The following CDC42BPB variants were observed in gnomAD, a reference collection of about 807,000 sequenced individuals.
CDC42BPB encodes the protein serine/threonine-protein kinase MRCK beta.
A neutral mutation model predicts 214.9 loss-of-function variants in CDC42BPB; 37 were observed. The ratio of observed to expected loss-of-function variants is 0.17; its 90% CI spans 0.13 to 0.23. The LOEUF (loss-of-function observed/expected upper bound fraction) is 0.23, where lower values mean the gene tolerates loss of function less well. Among genes scored for constraint, CDC42BPB ranks in the 10% least tolerant of loss-of-function variants. CDC42BPB has a pLI of 1.00. For synonymous variants in CDC42BPB, 931 were observed against 884.0 expected (o/e 1.05, Z -0.94); for missense variants, 1,694 against 2,227.0 (o/e 0.76, Z 4.82).
In CDC42BPB at chr14:103,003,960, G is replaced by T; in HGVS notation, c.415C>A (p.Leu139Met). The change falls in exon 4 of 37, where the codon CTG (leucine) becomes ATG (methionine). Residue 139 changes from leucine to methionine, a missense_variant. By Grantham distance (15) the Leu-to-Met change is conservative. This residue lies in a region of CDC42BPB where 225 missense variants were observed against 459.3 expected (regional missense o/e 0.49). Coordinates refer to ENST00000361246, the MANE Select transcript of CDC42BPB (RefSeq NM_006035.4). ...TTCTCGTCCTGAAAGGCGTAGTGCA[G>T]CGCGGTGATCCACTGGCAGTCGCCG... ...VNGDCQWITA[L>M]HYAFQDENHL... 1 of 1,612,164 alleles carries T rather than the reference G, an allele frequency of 6.2e-7. No individual in the cohort carries two copies.
At chr14:103,031,610 T>A (rs1406748263) in intron 1 of CDC42BPB, among the ~76,000 whole-genome samples, 2 of 152,212 alleles carry the variant, frequency 1.3e-5, no homozygotes, top group Non-Finnish European at 2.9e-5. Flanking sequence ...GTCTGGCGAT[T>A]TCCAATTTGG....
intron 5 of CDC42BPB, among the ~76,000 whole-genome samples, chr14:102,998,523 A>G (rs921218153): frequency 6.6e-6 from 1 of 152,242 alleles, no homozygotes; most frequent in Non-Finnish European, 1.5e-5. Flanking sequence ...GAAAACCAAA[A>G]CAAACCACAG....
rs1255775027 is a variant in CDC42BPB, at chr14:103,057,402, C to T, written c.-229G>A. 2 of 820,072 alleles carry T rather than the reference C, an allele frequency of 2.4e-6. No individual in the cohort carries two copies. The highest frequency in any genetic ancestry group is 6.3e-5 in the Admixed American group (1 of 15,874). 50.8% of individuals were successfully genotyped at this position (820,072 alleles called of 1,614,324 possible). A position where few individuals can be genotyped will look rare whatever the true frequency, so the allele number is the denominator to read the frequency against. ...CGCGGGTCCATGGGCCGCTCTCCTC[C>T]CCTCGGCGCCGCCGCCCTCCCAGCT... On this transcript the variant is annotated 5_prime_UTR_variant, in exon 1 of 37. Transcript: ENST00000361246.
At position 102,946,193 on chromosome 14, in the gene CDC42BPB, AT is replaced by A. The variant is rs59078830; in HGVS notation, c.3748+274del. The stretch of plus-strand genomic sequence containing the variant: ...CCAGCTATATTTTATTTTTATTTTT[AT>A]TTTTTTTTTTAGCAGAGACAGGGTT... On this transcript the variant is annotated intron_variant, in intron 28 of 36. Coordinates refer to ENST00000361246, the MANE Select transcript of CDC42BPB (RefSeq NM_006035.4). 6.4e-3 allele frequency among the ~76,000 whole-genome samples: 923 copies of A among 145,176 alleles called. 4 individuals are homozygous for A. Among genetic ancestry groups the A allele is most frequent in the Middle Eastern group, 0.011 (3 of 280 alleles).
chr14:103,004,258 T>C lies in CDC42BPB; in HGVS notation c.352-235A>G. On this transcript the variant is annotated intron_variant, in intron 3 of 36. Coordinates refer to ENST00000361246, the MANE Select transcript of CDC42BPB (RefSeq NM_006035.4). The surrounding 1 kb of genome is among the most constrained non-coding windows in gnomAD (Gnocchi z 5.3). ...CTGAGGAGGCACTTGCACCCTGCTG[T>C]CCCACGGGCACCATTTCTGTGGCTG... 1 of 1,076,764 alleles carries C rather than the reference T, an allele frequency of 9.3e-7. No individual in the cohort carries two copies. Among genetic ancestry groups the C allele is most frequent in the Non-Finnish European group, 1.2e-6 (1 of 841,554 alleles). The allele number at this position is 1,076,764 out of a possible 1,614,324, so 66.7% of individuals were successfully genotyped here. A position where few individuals can be genotyped will look rare whatever the true frequency, so the allele number is the denominator to read the frequency against.
intron 36 of CDC42BPB, among the ~76,000 whole-genome samples, chr14:102,936,074 G>A (rs1463288175): frequency 6.6e-6 from 1 of 152,182 alleles, no homozygotes; most frequent in Non-Finnish European, 1.5e-5. Context: ...CCACCAGGAC[G>A]ACTATTAAAA....
At chr14:102,997,818 T>C (rs9806025) in intron 5 of CDC42BPB, among the ~76,000 whole-genome samples, 10,601 of 152,240 alleles carry the variant, frequency 0.07, 469 homozygotes, top group African/African-American at 0.13. Context: ...GACTGAACCA[T>C]AGCTGAAAGG....
At chr14:102,938,498 G>T (rs1446644592) in intron 34 of CDC42BPB, 87 bp from the exon 35 acceptor site, 2 of 1,477,676 alleles carry the variant, frequency 1.4e-6, no homozygotes, top group Non-Finnish European at 1.8e-6. Context: ...GGTGGCTGTG[G>T]CCTCGTGACC....
Position 102,968,423 on chromosome 14 carries a change from G to T in CDC42BPB, c.2240+49C>A, listed in dbSNP as rs751398692. 2.5e-6 allele frequency: 4 copies of T among 1,613,150 alleles called. No homozygotes were observed. In the South Asian group the frequency reaches 4.4e-5, roughly 18 times the overall value. On this transcript the variant is annotated intron_variant, in intron 15 of 36. Coordinates refer to ENST00000361246, the MANE Select transcript of CDC42BPB (RefSeq NM_006035.4). ...CTTCACTGATATTCGTATCTATGGC[G>T]TGGGTATCAGCTTGCATCTTCTGAA...
Position 102,967,041 on chromosome 14 carries a change from C to T in CDC42BPB, c.2471+5G>A, listed in dbSNP as rs1215598535. 10 of 1,613,402 alleles carry T rather than the reference C, an allele frequency of 6.2e-6. No homozygotes were observed. The highest frequency in any genetic ancestry group is 3.3e-5 in the Admixed American group (2 of 60,000). ...TCACGGCCGCTAATGGGGCCGCGCACGTACCACTGAATGATTTCCGCAATC... is the reference window on the plus strand; with the variant it reads ...TCACGGCCGCTAATGGGGCCGCGCATGTACCACTGAATGATTTCCGCAATC... On this transcript the variant is annotated splice_donor_5th_base_variant and intron_variant, in intron 17 of 36. Coordinates refer to ENST00000361246, the MANE Select transcript of CDC42BPB (RefSeq NM_006035.4).
chr14:102,950,473 T>A lies in CDC42BPB; in HGVS notation c.3302A>T (p.His1101Leu). 6.2e-7 allele frequency: 1 copy of A among 1,613,082 alleles called. No homozygotes were observed. The highest frequency in any genetic ancestry group is 8.5e-7 in the Non-Finnish European group (1 of 1,179,972). Reference protein sequence around the residue: ...QRGIGTAYKGHVKVPKPTGVK... With the variant: ...QRGIGTAYKGLVKVPKPTGVK... The stretch of plus-strand genomic sequence containing the variant: ...GGAGATGAAGCCGCCTACCTTGACA[T>A]GGCCTTTGTAGGCTGTTCCGATGCC... Residue 1101 changes from histidine (H) to leucine (L), a missense_variant, in exon 25 of 37, where the codon CAT becomes CTT. Transcript: ENST00000361246.
intron 1 of CDC42BPB, among the ~76,000 whole-genome samples, chr14:103,028,707 T>C (rs567365879): frequency 6.6e-6 from 1 of 152,382 alleles, no homozygotes; most frequent in South Asian, 2.1e-4. Context: ...CCTCCTTCTA[T>C]ATTCTGTGCC....
At chr14:103,053,488 A>G (rs10137976) in intron 1 of CDC42BPB, among the ~76,000 whole-genome samples, 2,990 of 151,874 alleles carry the variant, frequency 0.02, 50 homozygotes, top group African/African-American at 0.045. Context: ...TCGGCCAGGC[A>G]CGGTGGCTCA....
chr14:102,933,748 G>C lies in CDC42BPB; in HGVS notation c.5100C>G (p.Pro1700=). The C allele has an allele frequency of 6.7e-7, 1 of 1,495,482 alleles. No individual in the cohort carries two copies. Among genetic ancestry groups the C allele is most frequent in the Non-Finnish European group, 8.8e-7 (1 of 1,137,388 alleles). 92.6% of individuals were successfully genotyped at this position (1,495,482 alleles called of 1,614,324 possible). A position where few individuals can be genotyped will look rare whatever the true frequency, so the allele number is the denominator to read the frequency against. Residue 1700 remains proline (P), a synonymous_variant, in exon 37 of 37, where the codon CCC becomes CCG. Transcript: ENST00000361246. Reference sequence around the variant, plus strand: ...AGGCCGGCTGCTCCAGGCCTTCGAGGGGGAGCTGGCTCCTGTGGGGGGAGT... The same window carrying C: ...AGGCCGGCTGCTCCAGGCCTTCGAGCGGGAGCTGGCTCCTGTGGGGGGAGT... ...SPNSPHRSQL[P]LEGLEQPACD...
intron 32 of CDC42BPB, 30 bp from the exon 33 acceptor site, chr14:102,939,977 CTG>C: frequency 6.2e-7 from 1 of 1,613,706 alleles, no homozygotes; most frequent in Non-Finnish European, 8.5e-7. Flanking sequence ...GGTGACGGTG[CTG>C]CGGCACCAGG....
At chr14:103,002,424 C>T (rs988654398) in intron 4 of CDC42BPB, among the ~76,000 whole-genome samples, 1 of 152,216 alleles carries the variant, frequency 6.6e-6, no homozygotes, top group African/African-American at 2.4e-5. Context: ...CAACACCTAA[C>T]ATTTCAGATG....
At chr14:102,934,806 T>G (rs1390351523) in intron 36 of CDC42BPB, among the ~76,000 whole-genome samples, 2 of 151,706 alleles carry the variant, frequency 1.3e-5, no homozygotes, top group Non-Finnish European at 2.9e-5. Context: ...GGTCAGGAGA[T>G]TGAGACCATC....
chr14:102,976,448 C>G (rs1030959208), intron 9 of CDC42BPB, among the ~76,000 whole-genome samples: 4 of 152,222 alleles, frequency 2.6e-5, no homozygotes, highest in Admixed American at 2.0e-4. Context: ...ACTGGCCAAG[C>G]AATCCAGGAC....
At position 103,029,583 on chromosome 14, in the gene CDC42BPB, G is replaced by A. The variant is rs527616191; in HGVS notation, c.176-17395C>T. Among the ~76,000 whole-genome samples the A allele has an allele frequency of 6.0e-4, 90 of 149,404 alleles. 1 individual carries two copies. The South Asian group carries it at 0.018, about 31-fold the overall frequency. On this transcript the variant is annotated intron_variant, in intron 1 of 36. Transcript: ENST00000361246. ...AAAAGAAATGCTAGATTGGCCAGGC[G>A]TGGTGGCTCATGCCTGTAATCCCAG...
Sources: allele counts gnomAD v4.1 joint callset (sites outside exome capture counted in the v4.1 genomes callset), GRCh38; gene constraint gnomAD v4.1.1; regional missense constraint gnomAD v4.1.1; non-coding constraint Gnocchi (gnomAD v3.1); transcripts MANE v1.5; gene names NCBI Gene and HGNC (gene_info 2026-07-23, HGNC 2026-07-21).